ADAMTS3: variants seen among roughly 807,000 people sequenced by gnomAD.
ADAMTS3 encodes the protein A disintegrin and metalloproteinase with thrombospondin motifs 3.
Under a neutral mutation model 129.0 loss-of-function variants are expected in ADAMTS3, and 73 were observed. That is an observed-to-expected ratio of 0.57 (90% CI 0.47 to 0.69). ADAMTS3 has a LOEUF of 0.69. Among genes scored for constraint, ADAMTS3 ranks in the 30% least tolerant of loss-of-function variants. ADAMTS3 has a pLI of 0.00. For missense variants in ADAMTS3, 1,457 were observed against 1,514.5 expected (o/e 0.96, Z 0.63); for synonymous variants, 477 against 510.8 (o/e 0.93, Z 0.89).
At chr4:72,401,263 T>C (rs1721906999) in intron 4 of ADAMTS3, among the ~76,000 whole-genome samples, 1 of 151,862 alleles carries the variant, frequency 6.6e-6, no homozygotes, top group Non-Finnish European at 1.5e-5. Context: ...CAGTAAATGA[T>C]ACTATGTGAA....
At chr4:72,302,856 T>C (rs1718985565) in intron 17 of ADAMTS3, among the ~76,000 whole-genome samples, 1 of 152,176 alleles carries the variant, frequency 6.6e-6, no homozygotes, top group Non-Finnish European at 1.5e-5. Flanking sequence ...AGGCAAGTGC[T>C]GTATAAATGA....
chr4:72,356,374 T>C (rs1196615010), intron 4 of ADAMTS3, among the ~76,000 whole-genome samples: 3 of 151,948 alleles, frequency 2.0e-5, no homozygotes, highest in African/African-American at 4.8e-5. Context: ...CACTATTATA[T>C]GATATTCTAT....
chr4:72,512,090 G>T (rs1720331121), intron 3 of ADAMTS3, among the ~76,000 whole-genome samples: 1 of 152,168 alleles, frequency 6.6e-6, no homozygotes, highest in South Asian at 2.1e-4. Context: ...GATGTAGAGA[G>T]TAGAAGGATG....
chr4:72,307,605 T>C (rs902567638), intron 15 of ADAMTS3, among the ~76,000 whole-genome samples: 4 of 152,060 alleles, frequency 2.6e-5, no homozygotes, highest in African/African-American at 9.7e-5. Flanking sequence ...TTATAAAATA[T>C]GTTCTGTAAG....
intron 4 of ADAMTS3, among the ~76,000 whole-genome samples, chr4:72,360,483 A>G (rs1720692764): frequency 6.6e-6 from 1 of 151,952 alleles, no homozygotes; most frequent in African/African-American, 2.4e-5. Flanking sequence ...ATTTGTTTTC[A>G]TTTTCTTCAT....
At chr4:72,446,158 T>C (rs1436307851) in intron 3 of ADAMTS3, among the ~76,000 whole-genome samples, 5 of 151,682 alleles carry the variant, frequency 3.3e-5, no homozygotes, top group Non-Finnish European at 5.9e-5. Flanking sequence ...TCTCCCCTAA[T>C]GTTTTCAAGC....
intron 4 of ADAMTS3, among the ~76,000 whole-genome samples, chr4:72,352,299 A>C (rs1199332519): frequency 6.6e-6 from 1 of 152,062 alleles, no homozygotes; most frequent in African/African-American, 2.4e-5. Context: ...AGGGAAATCC[A>C]GTCTACAGGA....
intron 4 of ADAMTS3, among the ~76,000 whole-genome samples, chr4:72,348,411 T>C (rs552498105): frequency 1.6e-4 from 24 of 152,100 alleles, no homozygotes; most frequent in Non-Finnish European, 2.9e-4. Flanking sequence ...TTTATGAGCA[T>C]ATTCATATTT....
intron 3 of ADAMTS3, among the ~76,000 whole-genome samples, chr4:72,512,847 A>G (rs893932534): frequency 6.6e-6 from 1 of 152,180 alleles, no homozygotes; most frequent in African/African-American, 2.4e-5. Flanking sequence ...TGGCTCAGCC[A>G]CTTCTTTTTG....
chr4:72,502,942 C>G (rs1158732147), intron 3 of ADAMTS3, among the ~76,000 whole-genome samples: 1 of 152,020 alleles, frequency 6.6e-6, no homozygotes, highest in Non-Finnish European at 1.5e-5. Context: ...AAACTTTCCT[C>G]TTAACACTAC....
At chr4:72,550,335 G>A (rs1156258425) in intron 2 of ADAMTS3, among the ~76,000 whole-genome samples, 1 of 151,930 alleles carries the variant, frequency 6.6e-6, no homozygotes, top group Non-Finnish European at 1.5e-5. Flanking sequence ...AAGTATCCTT[G>A]TAGAATCACT....
intron 3 of ADAMTS3, among the ~76,000 whole-genome samples, chr4:72,498,900 A>C (rs552203127): frequency 6.6e-6 from 1 of 152,124 alleles, no homozygotes; most frequent in South Asian, 2.1e-4. Context: ...CTGATTACAC[A>C]TAATTCTTCC....
chr4:72,516,089 G>A (rs376699065), intron 3 of ADAMTS3, among the ~76,000 whole-genome samples: 2 of 151,980 alleles, frequency 1.3e-5, no homozygotes, highest in African/African-American at 2.4e-5. Flanking sequence ...TTTATTAAAT[G>A]GGGAATCCTT....
At chr4:72,545,905 A>T (rs1721453791) in intron 3 of ADAMTS3, among the ~76,000 whole-genome samples, 1 of 152,192 alleles carries the variant, frequency 6.6e-6, no homozygotes, top group Non-Finnish European at 1.5e-5. Context: ...CAAACATTTC[A>T]TTTACCAGAT....
In ADAMTS3 at chr4:72,533,437, C is replaced by T. The variant is rs187269534; in HGVS notation, c.504+15041G>A. ...GGAACTGCCTGAGGCTGTTTTACAG[C>T]AGCTTTTTTTTTCTAATAACAGAAG... On this transcript the variant is annotated intron_variant, in intron 3 of 21. Transcript: ENST00000286657. Among the ~76,000 whole-genome samples the T allele has an allele frequency of 3.9e-5, 6 of 152,058 alleles. No individual in the cohort carries two copies. In the East Asian group the frequency reaches 9.7e-4, roughly 24 times the overall value.
chr4:72,533,064 T>C (rs1343652367), intron 3 of ADAMTS3, among the ~76,000 whole-genome samples: 1 of 152,184 alleles, frequency 6.6e-6, no homozygotes. Context: ...CTGTAACTTG[T>C]TACTTTATAA....
chr4:72,543,353 T>C (rs1721385323), intron 3 of ADAMTS3, among the ~76,000 whole-genome samples: 1 of 152,140 alleles, frequency 6.6e-6, no homozygotes, highest in Non-Finnish European at 1.5e-5. Flanking sequence ...TCCAGCAGTG[T>C]CACTTCAGGG....
intron 3 of ADAMTS3, among the ~76,000 whole-genome samples, chr4:72,432,832 T>C (rs1722731481): frequency 6.6e-6 from 1 of 151,958 alleles, no homozygotes; most frequent in East Asian, 1.9e-4. Flanking sequence ...AAATGTGTAT[T>C]ACATGCCAAG....
At chr4:72,363,998 A>G (rs1720798202) in intron 4 of ADAMTS3, among the ~76,000 whole-genome samples, 1 of 152,194 alleles carries the variant, frequency 6.6e-6, no homozygotes, top group African/African-American at 2.4e-5. Context: ...ATATTACATG[A>G]AAATGATGGC....
Sources: gnomAD v4.1 joint callset for allele counts (sites outside exome capture counted in the v4.1 genomes callset) on GRCh38, gnomAD v4.1.1 for gene constraint, MANE v1.5 for transcripts, NCBI Gene and HGNC (gene_info 2026-07-23, HGNC 2026-07-21) for gene names.